RGS12: variants seen among roughly 807,000 people sequenced by gnomAD.
RGS12 encodes regulator of G-protein signaling 12.
Under a neutral mutation model 120.1 loss-of-function variants are expected in RGS12, and 66 were observed. The observed-to-expected ratio is 0.55, with a 90% confidence interval of 0.45 to 0.67. The LOEUF (loss-of-function observed/expected upper bound fraction) is 0.67. Ranked by LOEUF, RGS12 falls within the 30% of genes least tolerant of loss-of-function variation. The probability of loss-of-function intolerance (pLI) is 0.00; values close to 1 mark genes in which losing one functional copy is unlikely to be tolerated. For missense variants in RGS12, 1,859 were observed against 1,957.7 expected (o/e 0.95, Z 0.95); for synonymous variants, 827 against 804.7 (o/e 1.03, Z -0.47).
upstream of RGS12, among the ~76,000 whole-genome samples, chr4:3,292,218 G>A (rs1723060438): frequency 6.6e-6 from 1 of 152,238 alleles, no homozygotes; most frequent in Non-Finnish European, 1.5e-5. Context: ...GGGCGAGGAA[G>A]GAACTCCGGC....
At chr4:3,431,670 G>T (rs1420048975) in intron 17 of RGS12, 6 of 985,686 alleles carry the variant, frequency 6.1e-6, no homozygotes, top group Non-Finnish European at 7.2e-6. Context: ...GGTAGGGAAA[G>T]GTGTTTCCAG....
At chr4:3,402,655 C>T (rs548583433) in intron 4 of RGS12, among the ~76,000 whole-genome samples, 1 of 147,646 alleles carries the variant, frequency 6.8e-6, no homozygotes, top group Non-Finnish European at 1.5e-5. Flanking sequence ...CGTTGGGTGG[C>T]GTCCTCTGCG....
intron 3 of RGS12, among the ~76,000 whole-genome samples, chr4:3,346,866 G>T (rs748229282): frequency 4.4e-4 from 67 of 152,158 alleles, no homozygotes; most frequent in Non-Finnish European, 8.1e-4. Context: ...TTACTTACCC[G>T]CTGTAAGTCT....
intron 7 of RGS12, 131 bp downstream of exon 7, chr4:3,416,252 C>A: frequency 9.3e-7 from 1 of 1,069,812 alleles, no homozygotes; most frequent in Non-Finnish European, 1.3e-6. Flanking sequence ...TAGAGAAACG[C>A]AGACAGAAAG....
At chr4:3,359,992 T>C (rs868039833) in intron 3 of RGS12, among the ~76,000 whole-genome samples, 1 of 152,202 alleles carries the variant, frequency 6.6e-6, no homozygotes, top group Non-Finnish European at 1.5e-5. Flanking sequence ...ACTCCTGGGC[T>C]CAAGTGATCT....
intron 4 of RGS12, among the ~76,000 whole-genome samples, chr4:3,405,508 GAC>G (rs1721014127): frequency 6.6e-6 from 1 of 152,226 alleles, no homozygotes; most frequent in African/African-American, 2.4e-5. Flanking sequence ...GGAGACTGCA[GAC>G]ACACAGCAGC....
chr4:3,296,566 G>A (rs1723393988), intron 1 of RGS12, among the ~76,000 whole-genome samples: 2 of 152,234 alleles, frequency 1.3e-5, no homozygotes, highest in South Asian at 4.1e-4. Context: ...CACATCTGCA[G>A]ATCCGTATTG....
chr4:3,329,548 G>A (rs1461804734), intron 2 of RGS12, among the ~76,000 whole-genome samples: 2 of 150,646 alleles, frequency 1.3e-5, no homozygotes, highest in Non-Finnish European at 2.9e-5. Flanking sequence ...TGATGTTGAA[G>A]CAACAGTTAC....
At chr4:3,288,324 GTGGGCAGCATCCCCAC>G (rs1350833908), upstream of RGS12, among the ~76,000 whole-genome samples, 3 of 152,148 alleles carry the variant, frequency 2.0e-5, no homozygotes, top group Non-Finnish European at 4.4e-5. The surrounding 1 kb of genome is among the most constrained non-coding windows in gnomAD (Gnocchi z 5.2). Context: ...CCCCGTGGGT[GTGGGCAGCATCCCCAC>G]TGGGCAGGAA....
chr4:3,430,441 C>T lies in RGS12; in HGVS notation c.3600C>T (p.Asn1200=). The T allele has an allele frequency of 6.2e-7, 1 of 1,613,784 alleles. No homozygotes were observed. Among genetic ancestry groups the T allele is most frequent in the African/African-American group, 1.3e-5 (1 of 75,050 alleles). ...AGCTTATTTCCAAAGCTCAGAGCAACAGAGCAGATGACCAACGTGGGCTGC... is the reference window on the plus strand; with the variant it reads ...AGCTTATTTCCAAAGCTCAGAGCAATAGAGCAGATGACCAACGTGGGCTGC... ...FFELISKAQS[N]RADDQRGLLR... Residue 1200 remains asparagine, a synonymous_variant, in exon 17 of 18, where the codon AAC becomes AAT. Transcript: ENST00000336727.
intron 1 of RGS12, among the ~76,000 whole-genome samples, chr4:3,295,248 G>A (rs1038054180): frequency 2.6e-5 from 4 of 152,202 alleles, no homozygotes; most frequent in Non-Finnish European, 5.9e-5. Context: ...TGAGGCTGCC[G>A]CTAGTCAGCG....
intron 3 of RGS12, chr4:3,370,187 A>G (rs1420707527): frequency 1.9e-6 from 3 of 1,584,260 alleles, no homozygotes; most frequent in East Asian, 4.5e-5. Context: ...AAATGCCTTT[A>G]AACTTTTCTC....
At chr4:3,327,165 G>GAC (rs1040758994) in intron 2 of RGS12, among the ~76,000 whole-genome samples, 10 of 152,178 alleles carry the variant, frequency 6.6e-5, no homozygotes, top group Non-Finnish European at 1.3e-4. Context: ...AGTGATCTTT[G>GAC]ACAAAGTTAA....
Position 3,316,157 on chromosome 4 carries a change from G to C in RGS12, c.-14G>C. ...AACAATGAGACGTGCTCTTGGTCTT[G>C]GAAGCTCATCAGAATGTTTAGAGCT... On this transcript the variant is annotated 5_prime_UTR_variant, in exon 2 of 18. Transcript: ENST00000336727. 1 of 1,528,778 alleles carries C rather than the reference G, an allele frequency of 6.5e-7. No homozygotes were observed. Among genetic ancestry groups the C allele is most frequent in the Non-Finnish European group, 8.8e-7 (1 of 1,139,480 alleles). 94.7% of individuals were successfully genotyped at this position (1,528,778 alleles called of 1,614,324 possible).
chr4:3,327,571 A>ACT (rs1300419144), intron 2 of RGS12, among the ~76,000 whole-genome samples: 1 of 152,204 alleles, frequency 6.6e-6, no homozygotes, highest in African/African-American at 2.4e-5. Context: ...CACTCAAACA[A>ACT]CTCACAGCAA....
At chr4:3,409,150 C>A in intron 4 of RGS12, among the ~76,000 whole-genome samples, 1 of 152,192 alleles carries the variant, frequency 6.6e-6, no homozygotes, top group East Asian at 1.9e-4. Flanking sequence ...CTCTGCCGTG[C>A]TCCTCTGTAC....
chr4:3,414,129 C>T lies in RGS12; in HGVS notation c.2078C>T (p.Ala693Val). The change falls in exon 5 of 18, where the codon GCC becomes GTC. Residue 693 changes from alanine (A) to valine (V), a missense_variant. By Grantham distance (64) the Ala-to-Val change is moderately conservative. This residue lies in a region of RGS12 where 967 missense variants were observed against 994.2 expected (regional missense o/e 0.97). Transcript: ENST00000336727. ...AGCAACAACAGCCTGAGCAGCAATG[C>T]CAGCCTCCCCAGCGTGCAGAGCTGC... ...CVSNNSLSSNASLPSVQSCRR... is the reference protein window; with the variant it reads ...CVSNNSLSSNVSLPSVQSCRR... The T allele has an allele frequency of 6.4e-7, 1 of 1,568,996 alleles. No individual in the cohort carries two copies. The highest frequency in any genetic ancestry group is 8.6e-7 in the Non-Finnish European group (1 of 1,163,886).
At position 3,305,661 on chromosome 4, in the gene RGS12, G is replaced by A. The variant is rs139832249; in HGVS notation, c.-101-10409G>A. 7.6e-3 allele frequency among the ~76,000 whole-genome samples: 1,157 copies of A among 152,180 alleles called. 9 individuals are homozygous for A. The highest frequency in any genetic ancestry group is 0.024 in the Middle Eastern group (7 of 292). ...GGAGCCTCAGATGTGCCTCACTTCC[G>A]AGACCCAGCCTGGCAGATGGTGGCA... On this transcript the variant is annotated intron_variant, in intron 1 of 17. Coordinates refer to ENST00000336727, the MANE Select transcript of RGS12 (RefSeq NM_001394154.1).
intron 3 of RGS12, chr4:3,369,803 A>T (rs1716773321): frequency 6.3e-6 from 1 of 157,550 alleles, no homozygotes; most frequent in South Asian, 2.0e-4. Flanking sequence ...CGGAATACAG[A>T]TAGCACTGAG....
Sources: gnomAD v4.1 joint callset for allele counts (sites outside exome capture counted in the v4.1 genomes callset) on GRCh38, gnomAD v4.1.1 for gene constraint, gnomAD v4.1.1 regional missense constraint, Gnocchi (gnomAD v3.1) non-coding constraint, MANE v1.5 for transcripts, NCBI Gene and HGNC (gene_info 2026-07-23, HGNC 2026-07-21) for gene names.